The following CFAP54 variants were observed in gnomAD, a reference collection of about 807,000 sequenced individuals.
CFAP54 encodes cilia and flagella associated protein 54, also known as cilia- and flagella-associated protein 54.
In CFAP54, 290 loss-of-function variants were observed where a neutral mutation model predicts 370.4. That is an observed-to-expected ratio of 0.78 (90% CI 0.71 to 0.86). The LOEUF is 0.86. Among genes scored for constraint, CFAP54 ranks in the 40% least tolerant of loss-of-function variants. The pLI, the probability that CFAP54 is intolerant of heterozygous loss-of-function variation, is 0.00. For missense variants in CFAP54, 3,399 were observed against 3,528.7 expected (o/e 0.96, Z 0.93); for synonymous variants, 1,206 against 1,236.5 (o/e 0.98, Z 0.52).
intron 2 of CFAP54, among the ~76,000 whole-genome samples, chr12:96,503,139 CTCTT>C (rs568262787): frequency 0.015 from 2,202 of 146,914 alleles, 25 homozygotes; most frequent in Non-Finnish European, 0.025. Context: ...TCTCTCTCTC[CTCTT>C]TCTTTCTTTC....
chr12:96,846,624 G>A (rs570518458), intron 66 of CFAP54, among the ~76,000 whole-genome samples: 205 of 152,250 alleles, frequency 1.3e-3, no homozygotes, highest in Non-Finnish European at 2.4e-3. Context: ...TCCTTTGGTC[G>A]TATAGAATGG....
chr12:96,869,859 T>G (rs1406214067), intron 67 of CFAP54, among the ~76,000 whole-genome samples: 1 of 138,840 alleles, frequency 7.2e-6, no homozygotes, highest in Non-Finnish European at 1.5e-5. Flanking sequence ...CGCTTGAACC[T>G]GGGAGGCAGA....
At chr12:96,605,852 A>G (rs1342989615) in intron 26 of CFAP54, among the ~76,000 whole-genome samples, 2 of 152,168 alleles carry the variant, frequency 1.3e-5, no homozygotes, top group African/African-American at 4.8e-5. Context: ...TGGGGATGAG[A>G]CTTAGGTATG....
chr12:96,689,573 A>G (rs1957367673), intron 43 of CFAP54, among the ~76,000 whole-genome samples: 1 of 152,210 alleles, frequency 6.6e-6, no homozygotes, highest in African/African-American at 2.4e-5. Context: ...ACTAGTAATC[A>G]GTATGAAGCC....
At chr12:96,520,695 G>A (rs575519554) in intron 6 of CFAP54, among the ~76,000 whole-genome samples, 1 of 152,200 alleles carries the variant, frequency 6.6e-6, no homozygotes, top group African/African-American at 2.4e-5. Context: ...GGGCCAACAC[G>A]TTCCTGCACA....
intron 33 of CFAP54, chr12:96,646,253 A>G (rs1956790240): frequency 6.6e-6 from 1 of 152,250 alleles, no homozygotes; most frequent in African/African-American, 2.4e-5. Flanking sequence ...ACAAATTTAC[A>G]AGAAAAAAAC....
chr12:96,576,280 G>A (rs1400919069), intron 19 of CFAP54, among the ~76,000 whole-genome samples: 1 of 151,768 alleles, frequency 6.6e-6, no homozygotes, highest in Non-Finnish European at 1.5e-5. Context: ...ATGAAATGTG[G>A]TAGATATTCA....
chr12:96,700,044 A>T lies in CFAP54; in HGVS notation c.6425A>T (p.Asn2142Ile), dbSNP rs1400537540. The T allele has an allele frequency of 1.2e-6, 2 of 1,610,508 alleles. No homozygotes were observed. The highest frequency in any genetic ancestry group is 2.7e-5 in the African/African-American group (2 of 74,726). ...ATATCCCAAATTTTCTATGGAAAAA[A>T]CATGCCTTGTCCAATACCTGCAGGC... ...YEISQIFYGK[N>I]MPCPIPAGYK... Residue 2142 changes from asparagine to isoleucine, a missense_variant, in exon 46 of 68, where the codon AAC (asparagine) becomes ATC (isoleucine). Asn to Ile is a moderately radical substitution (Grantham distance 149). Coordinates refer to ENST00000524981, the MANE Select transcript of CFAP54 (RefSeq NM_001306084.2).
intron 67 of CFAP54, among the ~76,000 whole-genome samples, chr12:96,872,454 A>T (rs961905379): frequency 3.9e-5 from 6 of 152,240 alleles, no homozygotes; most frequent in Non-Finnish European, 7.3e-5. Context: ...AAATAGAAGG[A>T]TGGAGAAGTG....
chr12:96,832,105 T>C (rs1452923514), intron 66 of CFAP54, among the ~76,000 whole-genome samples: 1 of 152,132 alleles, frequency 6.6e-6, no homozygotes, highest in African/African-American at 2.4e-5. Context: ...TGAATAAGTC[T>C]CATGAGATCT....
At chr12:96,824,938 A>G (rs959183888) in intron 65 of CFAP54, among the ~76,000 whole-genome samples, 1 of 151,928 alleles carries the variant, frequency 6.6e-6, no homozygotes, top group Non-Finnish European at 1.5e-5. Context: ...TCTCACTGCC[A>G]TGGTTCCTAT....
At chr12:96,828,052 A>C (rs1305177249) in intron 65 of CFAP54, among the ~76,000 whole-genome samples, 1 of 128,164 alleles carries the variant, frequency 7.8e-6, no homozygotes, top group Non-Finnish European at 1.6e-5. Context: ...ATTATATATT[A>C]ATATATTATT....
intron 60 of CFAP54, among the ~76,000 whole-genome samples, chr12:96,775,183 G>T (rs34470): frequency 5.3e-5 from 8 of 151,682 alleles, no homozygotes; most frequent in Non-Finnish European, 1.0e-4. Flanking sequence ...TAATCCTGAC[G>T]CTTTGGGAAG....
chr12:96,706,778 T>TTGTGTGTGTATGTGTG (rs934196145), intron 47 of CFAP54, among the ~76,000 whole-genome samples: 4 of 150,498 alleles, frequency 2.7e-5, no homozygotes, highest in African/African-American at 9.8e-5. Flanking sequence ...AGCACTTACA[T>TTGTGTGTGTATGTGTG]TGTGTGTGTA....
chr12:96,638,833 A>T (rs891365231), intron 32 of CFAP54, among the ~76,000 whole-genome samples: 1 of 152,180 alleles, frequency 6.6e-6, no homozygotes, highest in Non-Finnish European at 1.5e-5. Context: ...AACAAAAATG[A>T]TGTTAGTGGG....
rs1448270905 is a variant in CFAP54, at chr12:96,518,981, C to T, written c.852C>T (p.Leu284=). ...ASMCMESLVP[L]LSLRYLTWRA... ...TGTGTATGGAGTCCTTGGTCCCGCT[C>T]CTGTCACTCAGGTACTTGACATGGC... Residue 284 remains leucine (L), a synonymous_variant, in exon 6 of 68, where the codon CTC becomes CTT. Transcript: ENST00000524981. 1.6e-5 allele frequency: 24 copies of T among 1,535,946 alleles called. No homozygotes were observed. The highest frequency in any genetic ancestry group is 2.4e-5 in the East Asian group (1 of 40,926).
chr12:96,768,408 T>C (rs1424134598), intron 60 of CFAP54, among the ~76,000 whole-genome samples: 3 of 152,160 alleles, frequency 2.0e-5, no homozygotes, highest in East Asian at 3.9e-4. Flanking sequence ...ATCCTGGCAC[T>C]TTGGAAGGCC....
chr12:96,648,351 T>G (rs1956820214), intron 34 of CFAP54, among the ~76,000 whole-genome samples: 1 of 152,144 alleles, frequency 6.6e-6, no homozygotes, highest in Admixed American at 6.6e-5. Flanking sequence ...TATTGGGTAT[T>G]ATGTTTTAGT....
intron 46 of CFAP54, among the ~76,000 whole-genome samples, chr12:96,702,225 G>GCATGTTAAGTATGAGA (rs1203575346): frequency 6.6e-6 from 1 of 151,910 alleles, no homozygotes; most frequent in African/African-American, 2.4e-5. Context: ...CCAGATAGGA[G>GCATGTTAAGTATGAGA]CATGTTAAGT....
Sources: allele counts gnomAD v4.1 joint callset (sites outside exome capture counted in the v4.1 genomes callset), GRCh38; gene constraint gnomAD v4.1.1; transcripts MANE v1.5; gene names NCBI Gene and HGNC (gene_info 2026-07-23, HGNC 2026-07-21).